Variants in PARD3B observed in about 807,000 individuals in gnomAD.
The protein encoded by PARD3B is partitioning defective 3 homolog B.
Under a neutral mutation model 130.2 loss-of-function variants are expected in PARD3B, and 103 were observed. The ratio of observed to expected loss-of-function variants is 0.79; its 90% CI spans 0.67 to 0.93. The LOEUF is 0.93. PARD3B is among the 40% of genes least tolerant of loss of function. PARD3B has a pLI of 0.00. For synonymous variants in PARD3B, 583 were observed against 553.2 expected (o/e 1.05, Z -0.76); for missense variants, 1,609 against 1,499.2 (o/e 1.07, Z -1.21).
At chr2:205,482,051 G>A (rs2049256529) in intron 20 of PARD3B, among the ~76,000 whole-genome samples, 1 of 152,242 alleles carries the variant, frequency 6.6e-6, no homozygotes, top group Non-Finnish European at 1.5e-5. Flanking sequence ...GCTCTGTTGA[G>A]GACCTGCCCC....
At chr2:205,037,665 G>C (rs899744130) in intron 3 of PARD3B, among the ~76,000 whole-genome samples, 1 of 132,012 alleles carries the variant, frequency 7.6e-6, no homozygotes, top group African/African-American at 2.7e-5. Flanking sequence ...TATATATAAT[G>C]TATATAGTGG....
intron 18 of PARD3B, among the ~76,000 whole-genome samples, chr2:205,364,261 T>C (rs959515925): frequency 6.6e-6 from 1 of 152,218 alleles, no homozygotes; most frequent in Non-Finnish European, 1.5e-5. Flanking sequence ...CATAGCTTAG[T>C]GACTTCCTAT....
At chr2:204,704,868 C>T (rs142847103) in intron 2 of PARD3B, among the ~76,000 whole-genome samples, 1 of 151,062 alleles carries the variant, frequency 6.6e-6, no homozygotes, top group Non-Finnish European at 1.5e-5. Flanking sequence ...TTCCAACTGT[C>T]AAAACATTAT....
chr2:204,832,934 G>A (rs974484753), intron 2 of PARD3B, among the ~76,000 whole-genome samples: 2 of 152,092 alleles, frequency 1.3e-5, no homozygotes, highest in Non-Finnish European at 2.9e-5. Context: ...ATTAAAGAAC[G>A]AATATGCTTT....
At chr2:205,561,741 T>C (rs1468495283) in intron 22 of PARD3B, among the ~76,000 whole-genome samples, 2 of 152,186 alleles carry the variant, frequency 1.3e-5, no homozygotes, top group Non-Finnish European at 2.9e-5. Flanking sequence ...TGTTTGTCCC[T>C]AAGATTGCTG....
chr2:204,595,783 G>A (rs935588798), intron 1 of PARD3B, among the ~76,000 whole-genome samples: 2 of 152,146 alleles, frequency 1.3e-5, no homozygotes, highest in South Asian at 2.1e-4. Flanking sequence ...TTTGTTTTAC[G>A]TTTTGTAATA....
intron 3 of PARD3B, among the ~76,000 whole-genome samples, chr2:204,997,070 C>T (rs1042937400): frequency 5.3e-5 from 8 of 151,944 alleles, no homozygotes; most frequent in South Asian, 2.1e-4. Context: ...AGCTGTAGAC[C>T]GGAGCTGTTC....
rs1696575418 is a variant in PARD3B at position 205,021,242 on chromosome 2, A to G, written c.395-26339A>G. ...TATAGTTTGGTAGAAATACATCCAC[A>G]CTGTATGAGTCTCAATTTTAAAACT... is the stretch of plus-strand genomic sequence containing the variant. On this transcript the variant is annotated intron_variant, in intron 3 of 22. Transcript: ENST00000406610. This position sits in a 1 kb window ranked among gnomAD's most constrained non-coding sequence, Gnocchi z 4.5. Among the ~76,000 whole-genome samples the G allele has an allele frequency of 6.6e-6, 1 of 152,202 alleles. No individual in the cohort carries two copies. Among genetic ancestry groups the G allele is most frequent in the South Asian group, 2.1e-4 (1 of 4,832 alleles).
Position 205,461,984 on chromosome 2 carries a change from G to C in PARD3B, c.3044+21312G>C, listed in dbSNP as rs560595236. Among the ~76,000 whole-genome samples the C allele has an allele frequency of 6.6e-6, 1 of 152,280 alleles. No individual in the cohort carries two copies. The highest frequency in any genetic ancestry group is 2.4e-5 in the African/African-American group (1 of 41,564). The stretch of plus-strand genomic sequence containing the variant: ...AAGTGTGACAATGGCCTAATGGAAT[G>C]GACTTCTTTGTAAGCATGACTTACC... On this transcript the variant is annotated intron_variant, in intron 20 of 22. Coordinates refer to ENST00000406610, the MANE Select transcript of PARD3B (RefSeq NM_001302769.2). This position sits in a 1 kb window ranked among gnomAD's most constrained non-coding sequence, Gnocchi z 4.3.
At chr2:205,051,059 C>T (rs557605013) in intron 4 of PARD3B, among the ~76,000 whole-genome samples, 4 of 152,260 alleles carry the variant, frequency 2.6e-5, no homozygotes, top group Non-Finnish European at 5.9e-5. Flanking sequence ...GAGAAGCAGC[C>T]TTTCAAGGAA....
chr2:205,119,551 G>A (rs534580196), intron 7 of PARD3B, among the ~76,000 whole-genome samples: 116 of 152,204 alleles, frequency 7.6e-4, no homozygotes, highest in Middle Eastern at 3.4e-3. Flanking sequence ...GGGGGCCGAG[G>A]AGGGCAGATC....
chr2:205,307,816 G>A (rs1284994955), intron 18 of PARD3B, among the ~76,000 whole-genome samples: 2 of 152,024 alleles, frequency 1.3e-5, no homozygotes, highest in Middle Eastern at 3.2e-3. Context: ...TATAATAGCT[G>A]CTGTTGTCTC....
chr2:204,964,905 T>G (rs1306176065), intron 2 of PARD3B, among the ~76,000 whole-genome samples: 2 of 152,048 alleles, frequency 1.3e-5, no homozygotes, highest in African/African-American at 4.8e-5. Flanking sequence ...TGGGCCAAAA[T>G]TGGTTCTATT....
intron 2 of PARD3B, among the ~76,000 whole-genome samples, chr2:204,835,051 G>T (rs1035007574): frequency 1.3e-5 from 2 of 152,180 alleles, no homozygotes; most frequent in African/African-American, 4.8e-5. Flanking sequence ...ATGGTACCCT[G>T]CAGGATTCTT....
chr2:205,374,193 A>AG (rs397740389), intron 18 of PARD3B, among the ~76,000 whole-genome samples: 1 of 151,512 alleles, frequency 6.6e-6, no homozygotes, highest in Non-Finnish European at 1.5e-5. Flanking sequence ...AAAAAAAAAA[A>AG]GATGCTCTCT....
chr2:205,328,019 C>T (rs1460515276), intron 18 of PARD3B, among the ~76,000 whole-genome samples: 1 of 152,084 alleles, frequency 6.6e-6, no homozygotes, highest in Non-Finnish European at 1.5e-5. Flanking sequence ...GGATCAAGCA[C>T]TCTTATGCTT....
intron 2 of PARD3B, among the ~76,000 whole-genome samples, chr2:204,932,632 ATG>A (rs1268111299): frequency 6.6e-6 from 1 of 152,194 alleles, no homozygotes. Flanking sequence ...TCAAGAAAGA[ATG>A]TGTTTTTGAT....
chr2:205,396,722 T>C (rs2046043800), intron 18 of PARD3B, among the ~76,000 whole-genome samples: 1 of 152,180 alleles, frequency 6.6e-6, no homozygotes, highest in South Asian at 2.1e-4. Context: ...CTCTAAGCAA[T>C]TTCCTTAAGG....
rs1340003581 is a variant in PARD3B at position 205,591,622 on chromosome 2, C to G, written c.3261-23834C>G. Reference sequence around the variant, plus strand: ...CATTGGAAACCCAGAACTGTTGTTCCTAACCTCCCTGATGTCTCATATTTT... The same window carrying G: ...CATTGGAAACCCAGAACTGTTGTTCGTAACCTCCCTGATGTCTCATATTTT... On this transcript the variant is annotated intron_variant, in intron 22 of 22. Coordinates refer to ENST00000406610, the MANE Select transcript of PARD3B (RefSeq NM_001302769.2). The surrounding 1 kb of genome is among the most constrained non-coding windows in gnomAD (Gnocchi z 4.2). Among the ~76,000 whole-genome samples, 2 of 152,198 alleles carry G rather than the reference C, an allele frequency of 1.3e-5. No individual in the cohort carries two copies. Among genetic ancestry groups the G allele is most frequent in the African/African-American group, 4.8e-5 (2 of 41,456 alleles).
Sources: gnomAD v4.1 joint callset for allele counts (sites outside exome capture counted in the v4.1 genomes callset) on GRCh38, gnomAD v4.1.1 for gene constraint, Gnocchi (gnomAD v3.1) non-coding constraint, MANE v1.5 for transcripts, NCBI Gene and HGNC (gene_info 2026-07-23, HGNC 2026-07-21) for gene names.